The following SVOP variants were observed in gnomAD, a reference collection of about 807,000 sequenced individuals.
The protein encoded by SVOP is SV2 related protein.
A neutral mutation model predicts 69.1 loss-of-function variants in SVOP; 17 were observed. That is an observed-to-expected ratio of 0.25 (90% CI 0.17 to 0.37). SVOP has a LOEUF of 0.37. Among genes scored for constraint, SVOP ranks in the 10% least tolerant of loss-of-function variants. The probability of loss-of-function intolerance (pLI) is 1.00; values close to 1 mark genes in which losing one functional copy is unlikely to be tolerated. For synonymous variants in SVOP, 238 were observed against 238.6 expected (o/e 1.00, Z 0.02); for missense variants, 435 against 597.5 (o/e 0.73, Z 2.84).
At chr12:109,007,483 G>C (rs182734488) in intron 1 of SVOP, among the ~76,000 whole-genome samples, 1 of 152,264 alleles carries the variant, frequency 6.6e-6, no homozygotes, top group Admixed American at 6.5e-5. Context: ...CTGGGTATAA[G>C]AAAGAAGGAA....
At chr12:108,933,397 G>A (rs1293365560) in intron 11 of SVOP, among the ~76,000 whole-genome samples, 4 of 137,506 alleles carry the variant, frequency 2.9e-5, no homozygotes, top group Admixed American at 1.5e-4. Context: ...ATAATAATAG[G>A]CCAGGCACAG....
intron 1 of SVOP, among the ~76,000 whole-genome samples, chr12:108,993,329 GA>G (rs913105546): frequency 4.5e-5 from 6 of 134,516 alleles, no homozygotes; most frequent in African/African-American, 1.4e-4. Context: ...TTTCTAAGGG[GA>G]AAAAAAAGGT....
chr12:109,017,913 A>G (rs1283318849), intron 1 of SVOP, among the ~76,000 whole-genome samples: 1 of 152,074 alleles, frequency 6.6e-6, no homozygotes, highest in East Asian at 1.9e-4. Context: ...TATTTCATGT[A>G]CAAAATGCAT....
At chr12:108,923,904 C>T (rs1469237388) in intron 11 of SVOP, among the ~76,000 whole-genome samples, 1 of 152,082 alleles carries the variant, frequency 6.6e-6, no homozygotes, top group African/African-American at 2.4e-5. Context: ...TTGCTTTACT[C>T]TCAAACTATG....
intron 1 of SVOP, among the ~76,000 whole-genome samples, chr12:109,004,040 T>C (rs967363984): frequency 6.6e-6 from 1 of 152,170 alleles, no homozygotes; most frequent in African/African-American, 2.4e-5. Context: ...AATTGTACAG[T>C]ACTCAGAAAG....
chr12:108,912,653 A>T lies in SVOP; in HGVS notation c.1529T>A (p.Ile510Asn). ...LAALASCFLPIETKGRGLQES... is the reference protein window; with the variant it reads ...LAALASCFLPNETKGRGLQES... ...CTGCAGTCCTCGGCCTTTGGTCTCAATGGGCAAAAAGCAGGAGGCCAGGGC... is the reference window on the plus strand; with the variant it reads ...CTGCAGTCCTCGGCCTTTGGTCTCATTGGGCAAAAAGCAGGAGGCCAGGGC... Residue 510 changes from isoleucine (I) to asparagine (N), a missense_variant, in exon 16 of 16, where the codon ATT becomes AAT. Coordinates refer to ENST00000610966, the MANE Select transcript of SVOP (RefSeq NM_018711.5). 6.2e-7 allele frequency: 1 copy of T among 1,613,946 alleles called. No homozygotes were observed. Among genetic ancestry groups the T allele is most frequent in the South Asian group, 1.1e-5 (1 of 91,074 alleles).
At chr12:109,020,185 G>T (rs112349434) in intron 1 of SVOP, among the ~76,000 whole-genome samples, 642 of 152,116 alleles carry the variant, frequency 4.2e-3, no homozygotes, top group African/African-American at 0.015. Flanking sequence ...CTTAAAAATC[G>T]CCATCCTCAA....
At chr12:108,996,900 C>A (rs1267143854) in intron 1 of SVOP, among the ~76,000 whole-genome samples, 4 of 152,158 alleles carry the variant, frequency 2.6e-5, no homozygotes, top group African/African-American at 9.7e-5. Flanking sequence ...CCACTGCACT[C>A]CAGCCTGGGT....
At chr12:108,981,078 G>A (rs895630008) in intron 2 of SVOP, among the ~76,000 whole-genome samples, 76,834 of 152,068 alleles carry the variant, frequency 0.51, 23,985 homozygotes, top group South Asian at 0.7. Context: ...GTGAGCTGGC[G>A]TTGATCACAT....
chr12:108,929,733 T>C (rs2039804041), intron 11 of SVOP, among the ~76,000 whole-genome samples: 1 of 152,206 alleles, frequency 6.6e-6, no homozygotes, highest in Non-Finnish European at 1.5e-5. Context: ...TACTTGCGTA[T>C]ACAGAAAGGA....
intron 14 of SVOP, among the ~76,000 whole-genome samples, chr12:108,917,217 C>T (rs1000498773): frequency 2.0e-5 from 3 of 152,236 alleles, no homozygotes; most frequent in Admixed American, 6.5e-5. Flanking sequence ...TCTCAACACT[C>T]GAGATTTGTC....
chr12:108,909,213 G>A lies in SVOP; in HGVS notation c.*3322C>T, dbSNP rs972907283. The A allele has an allele frequency of 6.6e-6, 1 of 152,126 alleles. No individual in the cohort carries two copies. The highest frequency in any genetic ancestry group is 1.5e-5 in the Non-Finnish European group (1 of 68,044). The allele number at this position is 152,126 out of a possible 1,614,324, so 9.4% of individuals were successfully genotyped here. A position where few individuals can be genotyped will look rare whatever the true frequency, so the allele number is the denominator to read the frequency against. On this transcript the variant is annotated 3_prime_UTR_variant, in exon 16 of 16. Transcript: ENST00000610966. ...ATCTCTGCCTGGTTTTGGTTCTAAT[G>A]GTTTAAGCCACTATTGACTGAGATT...
Position 108,940,996 on chromosome 12 carries a change from C to T in SVOP, c.643-87G>A, listed in dbSNP as rs1260672166. The T allele has an allele frequency of 2.7e-6, 4 of 1,478,630 alleles. No homozygotes were observed. The African/African-American group carries it at 5.6e-5, about 21-fold the overall frequency. 91.6% of individuals were successfully genotyped at this position (1,478,630 alleles called of 1,614,324 possible). ...GGGGGCATTGTGGACAAGGGTATCT[C>T]TGTGGGTAAGGGGTCATCGGAGTCA... is the stretch of plus-strand genomic sequence containing the variant. On this transcript the variant is annotated intron_variant, in intron 7 of 15. Transcript: ENST00000610966.
intron 1 of SVOP, among the ~76,000 whole-genome samples, chr12:108,990,282 CT>C (rs1226856642): frequency 4.6e-5 from 7 of 152,156 alleles, no homozygotes; most frequent in Non-Finnish European, 8.8e-5. Context: ...TGAACTCATC[CT>C]TTTTTATGGC....
At chr12:108,948,169 C>G (rs377327552) in intron 6 of SVOP, among the ~76,000 whole-genome samples, 5 of 152,164 alleles carry the variant, frequency 3.3e-5, no homozygotes, top group Non-Finnish European at 5.9e-5. Context: ...CCCTTAGCTC[C>G]CTGTGTGCTC....
intron 6 of SVOP, among the ~76,000 whole-genome samples, chr12:108,959,851 C>A (rs546990177): frequency 3.3e-5 from 5 of 152,308 alleles, no homozygotes; most frequent in South Asian, 4.1e-4. Flanking sequence ...GGGTATAGAG[C>A]CCAGGCACTG....
intron 1 of SVOP, among the ~76,000 whole-genome samples, chr12:109,003,008 TAAAAA>T (rs2040282434): frequency 1.3e-4 from 2 of 15,826 alleles, no homozygotes; most frequent in Admixed American, 3.0e-3. Context: ...TAAATAAAAA[TAAAAA>T]TAAAAAAACA....
At chr12:108,950,122 G>T (rs188746964) in intron 6 of SVOP, among the ~76,000 whole-genome samples, 4 of 152,118 alleles carry the variant, frequency 2.6e-5, no homozygotes, top group African/African-American at 9.7e-5. Context: ...GGAGTGTAAT[G>T]GTGCAATCAT....
chr12:109,010,505 T>C (rs1408953982), intron 1 of SVOP, among the ~76,000 whole-genome samples: 4 of 152,130 alleles, frequency 2.6e-5, no homozygotes, highest in Non-Finnish European at 5.9e-5. Context: ...CTCCAGACTA[T>C]TGTGGTTTTT....
Sources: allele counts gnomAD v4.1 joint callset (sites outside exome capture counted in the v4.1 genomes callset), GRCh38; gene constraint gnomAD v4.1.1; transcripts MANE v1.5; gene names NCBI Gene and HGNC (gene_info 2026-07-23, HGNC 2026-07-21).